ARHGAP24: variants seen among roughly 807,000 people sequenced by gnomAD.
ARHGAP24 encodes the protein Rho GTPase activating protein 24.
In ARHGAP24, 50 loss-of-function variants were observed where a neutral mutation model predicts 76.4. The observed-to-expected ratio is 0.65, with a 90% CI of 0.52 to 0.83. ARHGAP24 has a LOEUF of 0.83. Among genes scored for constraint, ARHGAP24 ranks in the 40% least tolerant of loss-of-function variants. The pLI is 0.00. For missense variants in ARHGAP24, 930 were observed against 914.2 expected (o/e 1.02, Z -0.22); for synonymous variants, 345 against 323.3 (o/e 1.07, Z -0.72).
chr4:85,966,398 C>T (rs1365620511), intron 5 of ARHGAP24, among the ~76,000 whole-genome samples: 1 of 152,140 alleles, frequency 6.6e-6, no homozygotes, highest in Non-Finnish European at 1.5e-5. Flanking sequence ...CAATGTAGTC[C>T]AGCACTTAGC....
intron 3 of ARHGAP24, among the ~76,000 whole-genome samples, chr4:85,888,181 T>C (rs1165044175): frequency 2.0e-5 from 3 of 152,054 alleles, no homozygotes; most frequent in African/African-American, 7.2e-5. Context: ...GGCAGGTGGA[T>C]CACGAGGTCA....
rs532736266 is a variant in ARHGAP24 at position 85,649,060 on chromosome 4, A to G, written c.181-72825A>G. On this transcript the variant is annotated intron_variant, in intron 2 of 9. Transcript: ENST00000395184. The stretch of plus-strand genomic sequence containing the variant: ...GTTTGTGTGTGTGTGCTTATATTCT[A>G]TTTCTGAGAGCAAAATGCTACAAAT... Among the ~76,000 whole-genome samples the G allele has an allele frequency of 5.4e-5, 8 of 147,824 alleles. No homozygotes were observed. In the South Asian group the frequency reaches 1.5e-3, roughly 27 times the overall value.
chr4:85,693,951 G>A (rs954631268), intron 2 of ARHGAP24, among the ~76,000 whole-genome samples: 4 of 152,094 alleles, frequency 2.6e-5, no homozygotes, highest in East Asian at 1.9e-4. Flanking sequence ...GGTGCCCTGT[G>A]GCTAGAATCC....
intron 2 of ARHGAP24, among the ~76,000 whole-genome samples, chr4:85,620,709 T>C (rs966101234): frequency 4.6e-5 from 7 of 151,892 alleles, no homozygotes; most frequent in African/African-American, 1.7e-4. Context: ...AAGTTGTTTT[T>C]CTTTTTCTAG....
At chr4:85,667,021 T>G (rs1352279531) in intron 2 of ARHGAP24, among the ~76,000 whole-genome samples, 1 of 152,174 alleles carries the variant, frequency 6.6e-6, no homozygotes, top group Non-Finnish European at 1.5e-5. Flanking sequence ...CACTGCTCTC[T>G]TCAAAGCTGT....
At chr4:85,977,987 C>A (rs963106096) in intron 8 of ARHGAP24, among the ~76,000 whole-genome samples, 4 of 152,208 alleles carry the variant, frequency 2.6e-5, no homozygotes, top group Non-Finnish European at 4.4e-5. Flanking sequence ...TACCTCACTT[C>A]GTGAGTTCAC....
At chr4:85,768,923 A>G (rs559580180) in intron 3 of ARHGAP24, among the ~76,000 whole-genome samples, 2 of 152,186 alleles carry the variant, frequency 1.3e-5, no homozygotes, top group Admixed American at 6.5e-5. Context: ...AGATAAGGTA[A>G]ATTCAACAAA....
intron 3 of ARHGAP24, among the ~76,000 whole-genome samples, chr4:85,777,343 A>G (rs1325641733): frequency 2.0e-5 from 3 of 152,216 alleles, no homozygotes; most frequent in African/African-American, 4.8e-5. Flanking sequence ...GCATTTCTGA[A>G]TTAAAGAATA....
At chr4:85,679,285 G>T (rs182721588) in intron 2 of ARHGAP24, among the ~76,000 whole-genome samples, 1 of 152,108 alleles carries the variant, frequency 6.6e-6, no homozygotes, top group Non-Finnish European at 1.5e-5. Flanking sequence ...GACAAGGGGG[G>T]CTTCAGAGAA....
chr4:85,721,300 G>A (rs1442088651), intron 2 of ARHGAP24, among the ~76,000 whole-genome samples: 16 of 151,876 alleles, frequency 1.1e-4, no homozygotes, highest in African/African-American at 3.1e-4. Flanking sequence ...GGAGGCTGAG[G>A]CAGTGGAATT....
chr4:85,699,362 G>A (rs1723983386), intron 2 of ARHGAP24, among the ~76,000 whole-genome samples: 1 of 152,186 alleles, frequency 6.6e-6, no homozygotes, highest in South Asian at 2.1e-4. Flanking sequence ...GGGAGGCTGA[G>A]GTGGAAAAAT....
intron 1 of ARHGAP24, among the ~76,000 whole-genome samples, chr4:85,500,246 C>T (rs911072216): frequency 1.3e-5 from 2 of 152,000 alleles, no homozygotes; most frequent in Non-Finnish European, 2.9e-5. Flanking sequence ...CTATTATATT[C>T]CTATGGGACA....
At chr4:85,855,670 C>T (rs974491854) in intron 3 of ARHGAP24, among the ~76,000 whole-genome samples, 4 of 151,144 alleles carry the variant, frequency 2.6e-5, no homozygotes, top group South Asian at 2.1e-4. Context: ...CCCAGCTACT[C>T]GGGAGGCTGA....
intron 3 of ARHGAP24, among the ~76,000 whole-genome samples, chr4:85,910,155 C>T (rs188599097): frequency 4.8e-4 from 73 of 152,324 alleles, no homozygotes; most frequent in African/African-American, 1.7e-3. Context: ...AGCAGCTTCA[C>T]TGGCTGGCAC....
intron 2 of ARHGAP24, among the ~76,000 whole-genome samples, chr4:85,634,965 T>G (rs950810077): frequency 1.3e-5 from 2 of 151,938 alleles, no homozygotes; most frequent in Non-Finnish European, 1.5e-5. Flanking sequence ...AATCTTTAGA[T>G]GTATACATCT....
chr4:85,980,946 A>T (rs1468407776), intron 8 of ARHGAP24, among the ~76,000 whole-genome samples: 1 of 152,198 alleles, frequency 6.6e-6, no homozygotes, highest in East Asian at 1.9e-4. Flanking sequence ...ACCACCACGC[A>T]TTTACAATAG....
chr4:85,606,763 A>T (rs1050096072), intron 2 of ARHGAP24, among the ~76,000 whole-genome samples: 1 of 152,198 alleles, frequency 6.6e-6, no homozygotes, highest in African/African-American at 2.4e-5. Context: ...TTCTCACTGT[A>T]GTCAAGTGAG....
chr4:85,538,721 C>T (rs1433836047), intron 1 of ARHGAP24, among the ~76,000 whole-genome samples: 1 of 152,088 alleles, frequency 6.6e-6, no homozygotes, highest in Non-Finnish European at 1.5e-5. Context: ...GGTATAGTTA[C>T]CATGACATAA....
chr4:85,544,556 C>T (rs1056670455), intron 1 of ARHGAP24, among the ~76,000 whole-genome samples: 6 of 151,952 alleles, frequency 3.9e-5, no homozygotes, highest in Admixed American at 2.6e-4. Flanking sequence ...TGGGTTTATG[C>T]CTTGAGAAAG....
Sources: allele counts gnomAD v4.1 joint callset (sites outside exome capture counted in the v4.1 genomes callset), GRCh38; gene constraint gnomAD v4.1.1; transcripts MANE v1.5; gene names NCBI Gene and HGNC (gene_info 2026-07-23, HGNC 2026-07-21).